Variants in SLX4IP observed in about 807,000 individuals in gnomAD.
SLX4IP encodes the protein SLX4 interacting protein.
In SLX4IP, 34 loss-of-function variants were observed where a neutral mutation model predicts 32.9. The observed-to-expected ratio is 1.03, with a 90% CI of 0.79 to 1.38. The LOEUF is 1.38. SLX4IP is among the 40% of genes most tolerant of loss of function. SLX4IP has a pLI of 0.00. For synonymous variants in SLX4IP, 172 were observed against 171.7 expected, an observed-to-expected ratio of 1.00 and a Z score of -0.01; for missense variants, 444 against 479.0, an observed-to-expected ratio of 0.93 and a Z score of 0.68.
chr20:10,535,953 A>T (rs993142275), intron 2 of SLX4IP, among the ~76,000 whole-genome samples: 1 of 152,008 alleles, frequency 6.6e-6, no homozygotes, highest in African/African-American at 2.4e-5. Flanking sequence ...CCTGAGCTAG[A>T]GACACACTGT....
At chr20:10,462,587 A>T (rs1218358019) in intron 2 of SLX4IP, among the ~76,000 whole-genome samples, 1 of 152,216 alleles carries the variant, frequency 6.6e-6, no homozygotes, top group Non-Finnish European at 1.5e-5. Context: ...GGTAGAATAG[A>T]GACATTTATT....
In SLX4IP at chr20:10,622,759, AG is replaced by A; in HGVS notation, c.609del (p.Arg204GlyfsTer23). The A allele has an allele frequency of 6.2e-7, 1 of 1,614,208 alleles. No homozygotes were observed. Among genetic ancestry groups the A allele is most frequent in the African/African-American group, 1.3e-5 (1 of 75,066 alleles). On this transcript the variant is annotated frameshift_variant, in exon 8 of 8. Coordinates refer to ENST00000334534, the MANE Select transcript of SLX4IP (RefSeq NM_001009608.3). LOFTEE classifies it high-confidence loss of function. ...SSDSVIAEIARRRNDGQASSS... is the reference protein window; with the variant it reads ...SSDSVIAEIAXRRNDGQASSS... Reference sequence around the variant, plus strand: ...TGACTCAGTGATTGCAGAGATAGCAAGGAGGAGGAATGATGGTCAGGCTTCC... The same window carrying A: ...TGACTCAGTGATTGCAGAGATAGCAAGAGGAGGAATGATGGTCAGGCTTCC...
intron 6 of SLX4IP, among the ~76,000 whole-genome samples, chr20:10,610,651 A>C (rs984585158): frequency 6.6e-6 from 1 of 152,266 alleles, no homozygotes; most frequent in Non-Finnish European, 1.5e-5. Context: ...CTTTGGTCTC[A>C]GAACAAATGT....
chr20:10,592,586 T>TTAATGAAA (rs2066722064), intron 4 of SLX4IP, among the ~76,000 whole-genome samples: 1 of 149,916 alleles, frequency 6.7e-6, no homozygotes. Context: ...TCATTTTTCC[T>TTAATGAAA]TAATGAAATA....
At chr20:10,456,040 C>T (rs1434587472) in intron 1 of SLX4IP, among the ~76,000 whole-genome samples, 1 of 152,180 alleles carries the variant, frequency 6.6e-6, no homozygotes, top group Non-Finnish European at 1.5e-5. Context: ...CCACACCTGA[C>T]TTCACATGAC....
At chr20:10,516,653 C>T (rs888563204) in intron 2 of SLX4IP, among the ~76,000 whole-genome samples, 10 of 152,206 alleles carry the variant, frequency 6.6e-5, no homozygotes, top group African/African-American at 2.4e-4. Context: ...CTCAGAAGCT[C>T]ACCCCATCAA....
chr20:10,560,921 G>T (rs899897195), intron 4 of SLX4IP, 101 bp downstream of exon 4: 3 of 1,162,282 alleles, frequency 2.6e-6, no homozygotes, highest in African/African-American at 3.2e-5. Context: ...TTAGTATAGT[G>T]ATACATTTTA....
chr20:10,456,633 G>A (rs568213274), intron 1 of SLX4IP, among the ~76,000 whole-genome samples: 18 of 152,304 alleles, frequency 1.2e-4, no homozygotes, highest in Admixed American at 7.8e-4. Context: ...GAGCCACTGC[G>A]TCCAGCTGTA....
At chr20:10,524,116 G>A (rs904937588) in intron 2 of SLX4IP, among the ~76,000 whole-genome samples, 1 of 152,244 alleles carries the variant, frequency 6.6e-6, no homozygotes. Flanking sequence ...GCCTGGTGAC[G>A]GCAGCAGGCC....
rs569862296 is a variant in SLX4IP at position 10,562,605 on chromosome 20, G to C, written c.238+1785G>C. Among the ~76,000 whole-genome samples the C allele has an allele frequency of 2.3e-4, 35 of 152,278 alleles. 2 individuals carry two copies. The highest frequency in any genetic ancestry group is 2.1e-3 in the Admixed American group (32 of 15,302). ...ACAACATTTGGGCGTGAAAACAGGA[G>C]TGCCTGTCCTCACCTAGGTCTGTGG... On this transcript the variant is annotated intron_variant, in intron 4 of 7. Coordinates refer to ENST00000334534, the MANE Select transcript of SLX4IP (RefSeq NM_001009608.3).
intron 2 of SLX4IP, among the ~76,000 whole-genome samples, chr20:10,518,470 TTCTTTTCCTTTCCTTTCCTTTTCC>T (rs1568720205): frequency 8.8e-5 from 4 of 45,314 alleles, no homozygotes; most frequent in Admixed American, 6.4e-4. Flanking sequence ...TTCCTTTCCT[TTCTTTTCCTTTCCTTTCCTTTTCC>T]TTCCTTCCTT....
At chr20:10,591,135 C>T (rs6077842) in intron 4 of SLX4IP, among the ~76,000 whole-genome samples, 1 of 152,178 alleles carries the variant, frequency 6.6e-6, no homozygotes, top group South Asian at 2.1e-4. Context: ...AACCCTTTTC[C>T]TGTTACCTGT....
chr20:10,443,551 G>T (rs1179042986), intron 1 of SLX4IP, among the ~76,000 whole-genome samples: 3 of 152,188 alleles, frequency 2.0e-5, no homozygotes, highest in Non-Finnish European at 4.4e-5. Context: ...CCACAGTGCG[G>T]CATGCATGGG....
At chr20:10,546,801 A>G (rs1360836089) in intron 2 of SLX4IP, among the ~76,000 whole-genome samples, 2 of 152,170 alleles carry the variant, frequency 1.3e-5, no homozygotes, top group Admixed American at 6.5e-5. Flanking sequence ...TGTCTATGCC[A>G]CTGACCAGTC....
chr20:10,446,361 G>A (rs918824942), intron 1 of SLX4IP, among the ~76,000 whole-genome samples: 4 of 147,492 alleles, frequency 2.7e-5, no homozygotes, highest in Non-Finnish European at 4.4e-5. Context: ...GCAGTGAGCC[G>A]AAATTGGGCC....
intron 2 of SLX4IP, among the ~76,000 whole-genome samples, chr20:10,552,447 A>G (rs1317206565): frequency 6.6e-6 from 1 of 151,102 alleles, no homozygotes; most frequent in African/African-American, 2.4e-5. Flanking sequence ...GAGTGACAAG[A>G]AGCAAAGCTT....
Position 10,626,186 on chromosome 20 carries a change from T to A in SLX4IP, c.*2807T>A, listed in dbSNP as rs1332475775. ...CTCGCCACCACGCCCGGCTAATTTT[T>A]TGTATTTTTTTTTTTTTTTTTTTTT... On this transcript the variant is annotated 3_prime_UTR_variant, in exon 8 of 8. Transcript: ENST00000334534. 7.7e-6 allele frequency: 1 copy of A among 130,000 alleles called. No individual in the cohort carries two copies. Among genetic ancestry groups the A allele is most frequent in the Non-Finnish European group, 1.7e-5 (1 of 60,124 alleles). The allele number at this position is 130,000 out of a possible 1,614,324, so 8.1% of individuals were successfully genotyped here. A position where few individuals can be genotyped will look rare whatever the true frequency, so the allele number is the denominator to read the frequency against.
chr20:10,573,516 T>C (rs1363845342), intron 4 of SLX4IP, among the ~76,000 whole-genome samples: 1 of 152,168 alleles, frequency 6.6e-6, no homozygotes, highest in East Asian at 1.9e-4. Flanking sequence ...TGCACACCCA[T>C]GCACAGTAGG....
intron 6 of SLX4IP, among the ~76,000 whole-genome samples, chr20:10,616,662 C>G (rs1371951457): frequency 1.3e-5 from 2 of 152,072 alleles, no homozygotes; most frequent in African/African-American, 4.8e-5. Flanking sequence ...TTCCCCCTAC[C>G]CAAAATGCTC....
Sources: allele counts gnomAD v4.1 joint callset (sites outside exome capture counted in the v4.1 genomes callset), GRCh38; gene constraint gnomAD v4.1.1; transcripts MANE v1.5; gene names NCBI Gene and HGNC (gene_info 2026-07-23, HGNC 2026-07-21).